Variants in CCDC192 observed in about 807,000 individuals in gnomAD.
CCDC192 encodes coiled-coil domain containing 192, also known as coiled-coil domain-containing protein 192.
At chr5:127,781,765 C>T (rs997077050) in intron 3 of CCDC192, among the ~76,000 whole-genome samples, 2 of 151,972 alleles carry the variant, frequency 1.3e-5, no homozygotes, top group Non-Finnish European at 1.5e-5. Flanking sequence ...TCAAGGTAAA[C>T]AATCATGTCA....
chr5:127,713,573 T>C (rs1751458355), intron 2 of CCDC192, among the ~76,000 whole-genome samples: 2 of 152,196 alleles, frequency 1.3e-5, no homozygotes, highest in South Asian at 2.1e-4. Flanking sequence ...TGAGATCTAA[T>C]TTATCAATTT....
At chr5:127,768,313 A>C (rs1755349997) in intron 3 of CCDC192, among the ~76,000 whole-genome samples, 1 of 152,100 alleles carries the variant, frequency 6.6e-6, no homozygotes, top group African/African-American at 2.4e-5. Context: ...CCCTAATCTA[A>C]TCTGATTGGT....
At chr5:127,715,649 T>C (rs78183489) in intron 2 of CCDC192, among the ~76,000 whole-genome samples, 4,770 of 152,334 alleles carry the variant, frequency 0.031, 247 homozygotes, top group African/African-American at 0.11. Context: ...AGGGATTGCA[T>C]TTAATCTGTA....
intron 2 of CCDC192, among the ~76,000 whole-genome samples, chr5:127,740,943 C>G (rs920019117): frequency 2.6e-5 from 4 of 152,126 alleles, no homozygotes; most frequent in African/African-American, 9.7e-5. Flanking sequence ...AATAAATAAT[C>G]CTGTCACACA....
At chr5:127,828,300 A>G (rs555076445) in intron 5 of CCDC192, among the ~76,000 whole-genome samples, 35 of 152,222 alleles carry the variant, frequency 2.3e-4, no homozygotes, top group Non-Finnish European at 2.8e-4. Context: ...CAAGTTCTAT[A>G]TATGTGGTCT....
chr5:127,863,116 GAA>G (rs960205770), intron 5 of CCDC192, among the ~76,000 whole-genome samples: 1 of 152,108 alleles, frequency 6.6e-6, no homozygotes, highest in Non-Finnish European at 1.5e-5. Flanking sequence ...AAGTATTTTT[GAA>G]AAGAGAGAAT....
chr5:127,739,674 G>A (rs1233589398), intron 2 of CCDC192: 1 of 152,688 alleles, frequency 6.5e-6, no homozygotes. Flanking sequence ...CAGTATTCGG[G>A]TGGGAGTGAC....
chr5:127,809,507 T>C (rs927315812), intron 5 of CCDC192, among the ~76,000 whole-genome samples: 6 of 152,198 alleles, frequency 3.9e-5, no homozygotes, highest in African/African-American at 1.4e-4. Context: ...GAATTTCATA[T>C]AGGGAATATT....
intron 3 of CCDC192, among the ~76,000 whole-genome samples, chr5:127,788,607 T>C (rs1213657626): frequency 6.6e-6 from 1 of 152,206 alleles, no homozygotes; most frequent in Non-Finnish European, 1.5e-5. Context: ...ATTCCTCCAA[T>C]ACTATCTTCT....
chr5:127,852,079 A>C (rs1750820839), intron 5 of CCDC192, among the ~76,000 whole-genome samples: 1 of 152,174 alleles, frequency 6.6e-6, no homozygotes, highest in Admixed American at 6.5e-5. Context: ...TGAAGTCAAT[A>C]ATTCTTATTT....
chr5:127,872,235 C>T (rs557675858), intron 5 of CCDC192, among the ~76,000 whole-genome samples: 2 of 152,344 alleles, frequency 1.3e-5, no homozygotes, highest in South Asian at 2.1e-4. Flanking sequence ...AAATGTTAGA[C>T]AGCCAATCTA....
At chr5:127,800,376 G>GAAAAAAAAAAAAAAAAAAAAAA (rs1168212422) in intron 5 of CCDC192, among the ~76,000 whole-genome samples, 6 of 19,512 alleles carry the variant, frequency 3.1e-4, no homozygotes, top group South Asian at 3.0e-3. Context: ...GAGGTATTCT[G>GAAAAAAAAAAAAAAAAAAAAAA]AAAAAAAAAA....
At chr5:127,750,210 T>C (rs1236687284) in intron 2 of CCDC192, among the ~76,000 whole-genome samples, 3 of 152,146 alleles carry the variant, frequency 2.0e-5, no homozygotes, top group Non-Finnish European at 4.4e-5. Context: ...GATGTTAGGG[T>C]GTCAATTTTG....
intron 6 of CCDC192, among the ~76,000 whole-genome samples, chr5:127,911,522 T>A (rs1274787496): frequency 2.0e-5 from 3 of 152,166 alleles, no homozygotes; most frequent in Admixed American, 6.5e-5. Flanking sequence ...CTCAGCACCA[T>A]AAGTTCATGC....
At chr5:127,925,317 C>T (rs1753834508) in intron 6 of CCDC192, among the ~76,000 whole-genome samples, 1 of 131,048 alleles carries the variant, frequency 7.6e-6, no homozygotes. Context: ...TTCTCTATAA[C>T]TTTTGAATTA....
rs893224078 is a variant in CCDC192 at position 127,722,892 on chromosome 5, A to T, written c.114+15132A>T. On this transcript the variant is annotated intron_variant, in intron 2 of 6. Coordinates refer to ENST00000514853, the MANE Select transcript of CCDC192 (RefSeq NM_001317938.2). Reference sequence around the variant, plus strand: ...GTATAATTTGAAGTCAGGTAATGTGATTCCTCCAGTTTTGCTCTTTTTGCT... The same window carrying T: ...GTATAATTTGAAGTCAGGTAATGTGTTTCCTCCAGTTTTGCTCTTTTTGCT... Among the ~76,000 whole-genome samples the T allele has an allele frequency of 9.2e-5, 14 of 152,116 alleles. 1 individual carries two copies. The highest frequency in any genetic ancestry group is 6.5e-5 in the Admixed American group (1 of 15,268).
chr5:127,839,229 C>T (rs1194783869), intron 5 of CCDC192, among the ~76,000 whole-genome samples: 1 of 152,170 alleles, frequency 6.6e-6, no homozygotes, highest in African/African-American at 2.4e-5. Context: ...TGTTAAATTA[C>T]AGTACAACTC....
chr5:127,745,613 AAGT>A (rs1021166149), intron 2 of CCDC192, among the ~76,000 whole-genome samples: 1 of 152,196 alleles, frequency 6.6e-6, no homozygotes, highest in Non-Finnish European at 1.5e-5. Flanking sequence ...TTAAGACAAA[AAGT>A]AGAAATTAAC....
chr5:127,757,947 G>A (rs1754702697), intron 3 of CCDC192, among the ~76,000 whole-genome samples: 1 of 151,804 alleles, frequency 6.6e-6, no homozygotes, highest in Non-Finnish European at 1.5e-5. Context: ...ATGCTAGCTT[G>A]CCTTTACTGG....
Sources: allele counts gnomAD v4.1 joint callset (sites outside exome capture counted in the v4.1 genomes callset), GRCh38; gene constraint gnomAD v4.1.1; transcripts MANE v1.5; gene names NCBI Gene and HGNC (gene_info 2026-07-23, HGNC 2026-07-21).